The following APBB2 variants were observed in gnomAD, a reference collection of about 807,000 sequenced individuals.
APBB2 encodes the protein amyloid beta precursor protein binding family B member 2, also known as Fe65-like 1.
APBB2 carries 38 observed loss-of-function variants against 82.5 expected under a neutral mutation model. That is an observed-to-expected ratio of 0.46 (90% CI 0.36 to 0.60). The LOEUF is 0.60. APBB2 is among the 20% of genes least tolerant of loss of function. The pLI is 0.00. For missense variants in APBB2, 772 were observed against 972.3 expected, an observed-to-expected ratio of 0.79 and a Z score of 2.74; for synonymous variants, 341 against 368.2, an observed-to-expected ratio of 0.93 and a Z score of 0.85.
intron 2 of APBB2, among the ~76,000 whole-genome samples, chr4:41,123,830 A>T (rs912371232): frequency 2.6e-5 from 4 of 152,118 alleles, no homozygotes; most frequent in Non-Finnish European, 5.9e-5. Flanking sequence ...CACAAAAAAA[A>T]ACCAAAAAAC....
At position 40,830,585 on chromosome 4, in the gene APBB2, A is replaced by G; in HGVS notation, c.1530-8T>C. The G allele has an allele frequency of 6.5e-7, 1 of 1,543,308 alleles. No individual in the cohort carries two copies. Among genetic ancestry groups the G allele is most frequent in the South Asian group, 1.1e-5 (1 of 89,622 alleles). Reference sequence around the variant, plus strand: ...GCTACATAAGCAAAATCCCTGTGCAAGCAAAATGTATCAGTCCATTAGTAA... The same window carrying G: ...GCTACATAAGCAAAATCCCTGTGCAGGCAAAATGTATCAGTCCATTAGTAA... On this transcript the variant is annotated splice_region_variant and splice_polypyrimidine_tract_variant and intron_variant, in intron 12 of 17. Transcript: ENST00000508593.
chr4:41,168,404 G>A (rs1260607515), intron 1 of APBB2, among the ~76,000 whole-genome samples: 1 of 151,392 alleles, frequency 6.6e-6, no homozygotes, highest in Non-Finnish European at 1.5e-5. Flanking sequence ...CTCAGACAAA[G>A]AGTCTCGCTC....
At chr4:41,099,395 AT>A (rs1267604783) in intron 3 of APBB2, among the ~76,000 whole-genome samples, 1 of 151,968 alleles carries the variant, frequency 6.6e-6, no homozygotes, top group Non-Finnish European at 1.5e-5. Context: ...TACCCAGCTA[AT>A]TTTTTTGTAT....
intron 10 of APBB2, among the ~76,000 whole-genome samples, chr4:40,922,672 G>A (rs1370425959): frequency 4.6e-5 from 7 of 152,004 alleles, no homozygotes; most frequent in East Asian, 3.9e-4. Context: ...GTGCAGTGGC[G>A]CAATCTCGGC....
intron 3 of APBB2, among the ~76,000 whole-genome samples, chr4:41,076,547 G>A (rs1052639851): frequency 1.3e-5 from 2 of 152,214 alleles, no homozygotes; most frequent in Admixed American, 1.3e-4. Context: ...TGGTACTGGA[G>A]ACTTTTCTGG....
intron 3 of APBB2, among the ~76,000 whole-genome samples, chr4:41,084,089 G>A (rs1214227290): frequency 1.3e-5 from 2 of 152,104 alleles, no homozygotes; most frequent in Non-Finnish European, 2.9e-5. Flanking sequence ...ATAGTGACTA[G>A]ATAACAAACT....
rs536454731 is a variant in APBB2 at position 41,021,470 on chromosome 4, G to C, written c.20-7072C>G. ...GTAAAAATGCACCAATCAGCACTCT[G>C]TGTCTAGCTAAAGGATTGTAAATGC... is the stretch of plus-strand genomic sequence containing the variant. On this transcript the variant is annotated intron_variant, in intron 5 of 17. Transcript: ENST00000508593. Among the ~76,000 whole-genome samples the C allele has an allele frequency of 5.3e-4, 81 of 152,088 alleles. No homozygotes were observed. The South Asian group carries it at 0.016, about 31-fold the overall frequency.
At chr4:40,907,671 CTTTT>C (rs34413606) in intron 10 of APBB2, among the ~76,000 whole-genome samples, 10 of 94,834 alleles carry the variant, frequency 1.1e-4, no homozygotes, top group Admixed American at 2.5e-4. Context: ...GTGCCTGACC[CTTTT>C]TTTTTTTTTT....
At chr4:41,175,442 T>A (rs1769494081) in intron 1 of APBB2, among the ~76,000 whole-genome samples, 4 of 152,170 alleles carry the variant, frequency 2.6e-5, no homozygotes, top group Admixed American at 6.5e-5. Context: ...AGGCTTGTAT[T>A]TTGTTTGTTT....
intron 1 of APBB2, among the ~76,000 whole-genome samples, chr4:41,159,228 CTCTA>C (rs1161098239): frequency 1.3e-5 from 2 of 152,194 alleles, no homozygotes; most frequent in Non-Finnish European, 2.9e-5. Context: ...CTTTCCCTTT[CTCTA>C]TCTCTCTCTT....
intron 4 of APBB2, among the ~76,000 whole-genome samples, chr4:41,052,357 C>T (rs567665951): frequency 6.6e-6 from 1 of 152,310 alleles, no homozygotes; most frequent in East Asian, 1.9e-4. Flanking sequence ...AGCCGTTCTT[C>T]TCCTACCTGA....
intron 6 of APBB2, among the ~76,000 whole-genome samples, chr4:40,949,595 C>T (rs1454205178): frequency 1.3e-5 from 2 of 151,854 alleles, no homozygotes; most frequent in Non-Finnish European, 2.9e-5. Context: ...ACCAACGAGA[C>T]GAGAGGGAGC....
chr4:41,111,056 G>A (rs1321962167), intron 2 of APBB2, among the ~76,000 whole-genome samples: 4 of 152,162 alleles, frequency 2.6e-5, no homozygotes, highest in African/African-American at 4.8e-5. Context: ...TTCTCATAAC[G>A]AGTGGGCAAC....
chr4:40,924,449 C>CTGAACAACAGAATACGGTGGAA (rs1476472425), intron 10 of APBB2, among the ~76,000 whole-genome samples: 1 of 152,230 alleles, frequency 6.6e-6, no homozygotes, highest in African/African-American at 2.4e-5. Context: ...TCTGACAACT[C>CTGAACAACAGAATACGGTGGAA]TGAACAACAG....
rs572478817 is a variant in APBB2 at position 40,835,259 on chromosome 4, G to A, written c.1530-4682C>T. Among the ~76,000 whole-genome samples, 16 of 145,646 alleles carry A rather than the reference G, an allele frequency of 1.1e-4. 1 individual carries two copies. The highest frequency in any genetic ancestry group is 1.1e-3 in the Admixed American group (15 of 14,276). ...CCACTGCACTCCAGCCTGGGTGAGA[G>A]AGCAAGATTCCGTCTAAAAAAAAAA... On this transcript the variant is annotated intron_variant, in intron 12 of 17. Transcript: ENST00000508593.
At chr4:40,909,117 C>A (rs1777873936) in intron 10 of APBB2, among the ~76,000 whole-genome samples, 1 of 152,248 alleles carries the variant, frequency 6.6e-6, no homozygotes, top group African/African-American at 2.4e-5. Context: ...TGCCCTTACA[C>A]AGAAGGGCTT....
intron 10 of APBB2, among the ~76,000 whole-genome samples, chr4:40,899,506 T>C (rs1268689075): frequency 1.3e-5 from 2 of 152,148 alleles, no homozygotes; most frequent in African/African-American, 4.8e-5. Flanking sequence ...AGCCTGGGTA[T>C]CTATGACCAG....
chr4:40,894,387 A>C (rs1578246550), intron 10 of APBB2, among the ~76,000 whole-genome samples: 1 of 146,264 alleles, frequency 6.8e-6, no homozygotes, highest in South Asian at 2.1e-4. Flanking sequence ...GCAGTTTTTT[A>C]AATAGTGAGA....
At position 40,870,858 on chromosome 4, in the gene APBB2, G is replaced by A. The variant is rs553833622; in HGVS notation, c.1529+19506C>T. 2.1e-4 allele frequency among the ~76,000 whole-genome samples: 32 copies of A among 150,872 alleles called. 1 individual carries two copies. Among genetic ancestry groups the A allele is most frequent in the South Asian group, 1.3e-3 (6 of 4,782 alleles). On this transcript the variant is annotated intron_variant, in intron 12 of 17. Coordinates refer to ENST00000508593, the MANE Select transcript of APBB2 (RefSeq NM_004307.2). ...AGCGATTCTCCTGCCTCAGCCTCCC[G>A]AGTAGCTGGGATAACAGGTGCATGA...
Sources: gnomAD v4.1 joint callset for allele counts (sites outside exome capture counted in the v4.1 genomes callset) on GRCh38, gnomAD v4.1.1 for gene constraint, MANE v1.5 for transcripts, NCBI Gene and HGNC (gene_info 2026-07-23, HGNC 2026-07-21) for gene names.